Variants in LIN28B observed in about 807,000 individuals in gnomAD.
The protein encoded by LIN28B is protein lin-28 homolog B.
A neutral mutation model predicts 21.9 loss-of-function variants in LIN28B; 5 were observed. That is an observed-to-expected ratio of 0.23 (90% CI 0.12 to 0.48). The LOEUF is 0.48. LIN28B is among the 20% of genes least tolerant of loss of function. LIN28B has a pLI of 0.98. For synonymous variants in LIN28B, 109 were observed against 111.3 expected, an observed-to-expected ratio of 0.98 and a Z score of 0.13; for missense variants, 245 against 310.5, an observed-to-expected ratio of 0.79 and a Z score of 1.58.
chr6:104,951,574 G>T (rs1344416980), intron 3 of LIN28B, among the ~76,000 whole-genome samples: 4 of 151,626 alleles, frequency 2.6e-5, no homozygotes, highest in Non-Finnish European at 5.9e-5. Flanking sequence ...TTCTGTTGGG[G>T]CCAGTTCAGA....
intron 2 of LIN28B, among the ~76,000 whole-genome samples, chr6:104,980,890 A>G (rs1770206563): frequency 6.6e-6 from 1 of 152,136 alleles, no homozygotes; most frequent in Non-Finnish European, 1.5e-5. Flanking sequence ...TATTGCTACT[A>G]TATATTAAAA....
At chr6:105,039,374 A>G (rs1771587034) in intron 3 of LIN28B, among the ~76,000 whole-genome samples, 1 of 152,216 alleles carries the variant, frequency 6.6e-6, no homozygotes, top group Admixed American at 6.5e-5. Flanking sequence ...AAATTATAGT[A>G]TATTCTTAGG....
At chr6:104,961,717 C>T (rs1217865097) in intron 2 of LIN28B, among the ~76,000 whole-genome samples, 1 of 152,088 alleles carries the variant, frequency 6.6e-6, no homozygotes, top group African/African-American at 2.4e-5. Context: ...TAAATTTTTA[C>T]TAAGGTGATT....
Position 105,079,103 on chromosome 6 carries a change from A to G in LIN28B, c.*320A>G, listed in dbSNP as rs1582937639. 1.4e-5 allele frequency: 3 copies of G among 209,560 alleles called. No homozygotes were observed. The East Asian group carries it at 3.2e-4, about 23-fold the overall frequency. The allele number at this position is 209,560 out of a possible 1,614,324, so 13.0% of individuals were successfully genotyped here. On this transcript the variant is annotated 3_prime_UTR_variant, in exon 4 of 4. Transcript: ENST00000345080. ...ATATATAAAGAGGCTTTGTCTTTAT[A>G]TATTTGTGTATAGATCAAAGCACAC... is the stretch of plus-strand genomic sequence containing the variant.
intron 2 of LIN28B, among the ~76,000 whole-genome samples, chr6:105,000,591 T>A (rs1398439725): frequency 6.6e-6 from 1 of 152,120 alleles, no homozygotes; most frequent in Non-Finnish European, 1.5e-5. Flanking sequence ...AAAAGAGCTA[T>A]GTTGTAACTG....
In LIN28B at chr6:105,078,588, A is replaced by T. The variant is rs752610596; in HGVS notation, c.558A>T (p.Pro186=). ...GAAGACAGGAAGCAGAATCCCAGCCATGCACTTCAACTCTCCCTCGAGAAG... is the reference window on the plus strand; with the variant it reads ...GAAGACAGGAAGCAGAATCCCAGCCTTGCACTTCAACTCTCCCTCGAGAAG... ...SQGRQEAESQ[P]CTSTLPREVG... is the part of the protein sequence containing the mutation. The change falls in exon 4 of 4, where the codon CCA becomes CCT. Residue 186 remains proline, a synonymous_variant. Transcript: ENST00000345080. 5.0e-6 allele frequency: 8 copies of T among 1,614,044 alleles called. No individual in the cohort carries two copies. The highest frequency in any genetic ancestry group is 5.9e-6 in the Non-Finnish European group (7 of 1,180,004).
rs149373880 is a variant in LIN28B at position 104,943,604 on chromosome 6, C to T, written c.18+6488C>T. Among the ~76,000 whole-genome samples the T allele has an allele frequency of 8.6e-3, 1,308 of 152,060 alleles. 14 individuals carry two copies. Among genetic ancestry groups the T allele is most frequent in the Middle Eastern group, 0.037 (11 of 294 alleles). On this transcript the variant is annotated intron_variant, in intron 2 of 5. Transcript: ENST00000635857. ...ATTAAATTATTGATTATGAAAGTGG[C>T]GTTACAAATTTTTGGACAACTAAAG... is the stretch of plus-strand genomic sequence containing the variant.
At chr6:104,993,602 G>A (rs1168995868) in intron 2 of LIN28B, among the ~76,000 whole-genome samples, 3 of 152,128 alleles carry the variant, frequency 2.0e-5, no homozygotes, top group East Asian at 3.9e-4. Context: ...TTGGGAGGCC[G>A]AGGTGGGTGG....
At chr6:105,032,398 A>G (rs1042852003) in intron 3 of LIN28B, among the ~76,000 whole-genome samples, 58 of 152,150 alleles carry the variant, frequency 3.8e-4, no homozygotes, top group African/African-American at 1.4e-3. Context: ...TCGAACTGCC[A>G]CCTATCTTTG....
intron 2 of LIN28B, among the ~76,000 whole-genome samples, chr6:104,960,472 T>A (rs1333210929): frequency 6.6e-6 from 1 of 152,138 alleles, no homozygotes; most frequent in Non-Finnish European, 1.5e-5. Flanking sequence ...TATGTCTATG[T>A]ACTATTTTGT....
upstream of LIN28B, among the ~76,000 whole-genome samples, chr6:104,953,553 T>G (rs1778247320): frequency 2.0e-5 from 3 of 152,200 alleles, no homozygotes; most frequent in South Asian, 6.2e-4. Context: ...GTCCCTAAAT[T>G]AGTGAGAAAT....
chr6:105,073,688 C>G (rs1772373609), intron 3 of LIN28B, among the ~76,000 whole-genome samples: 1 of 152,020 alleles, frequency 6.6e-6, no homozygotes, highest in South Asian at 2.1e-4. Context: ...ACATTTTTTT[C>G]CATTATACTT....
intron 2 of LIN28B, among the ~76,000 whole-genome samples, chr6:104,947,276 G>C (rs767750103): frequency 1.3e-5 from 2 of 151,948 alleles, no homozygotes; most frequent in Non-Finnish European, 2.9e-5. Context: ...AGGCATGCAC[G>C]ACCACGCCTG....
At chr6:104,939,679 G>A (rs565944310) in intron 2 of LIN28B, 1 of 152,298 alleles carries the variant, frequency 6.6e-6, no homozygotes, top group Admixed American at 6.5e-5. Flanking sequence ...ACTTTCAAAT[G>A]AAAGTGTTTT....
chr6:105,063,651 A>AGG lies in LIN28B; in HGVS notation c.384-14763_384-14762insGG, dbSNP rs1772169304. Among the ~76,000 whole-genome samples the AGG allele has an allele frequency of 3.4e-5, 5 of 148,330 alleles. No homozygotes were observed. In the South Asian group the frequency reaches 8.6e-4, roughly 26 times the overall value. ...ACTCCATCTCGGGGGGGGGGGGGAA[A>AGG]AAAAGGTAAAGTAAAGGATAATAAA... is the stretch of plus-strand genomic sequence containing the variant. On this transcript the variant is annotated intron_variant, in intron 3 of 3. Transcript: ENST00000345080.
intron 3 of LIN28B, among the ~76,000 whole-genome samples, chr6:105,074,209 T>G (rs1260975454): frequency 1.3e-5 from 2 of 152,160 alleles, no homozygotes; most frequent in African/African-American, 4.8e-5. Context: ...AATCTTTTCT[T>G]TTTTTTGAGA....
At chr6:105,048,709 A>T (rs917369187) in intron 3 of LIN28B, among the ~76,000 whole-genome samples, 1 of 152,156 alleles carries the variant, frequency 6.6e-6, no homozygotes, top group Non-Finnish European at 1.5e-5. Context: ...TTATCGGTCT[A>T]TTCAGGGATT....
chr6:105,007,911 T>C (rs373570949), intron 2 of LIN28B, among the ~76,000 whole-genome samples: 37 of 152,330 alleles, frequency 2.4e-4, no homozygotes, highest in African/African-American at 8.7e-4. Flanking sequence ...TTGCAAAGTG[T>C]TGGTATTACA....
At chr6:105,077,045 C>G (rs1426692554) in intron 3 of LIN28B, among the ~76,000 whole-genome samples, 3 of 151,856 alleles carry the variant, frequency 2.0e-5, no homozygotes, top group Non-Finnish European at 4.4e-5. Flanking sequence ...GCCTGGCCAA[C>G]ATGGTGAAAC....
Sources: allele counts gnomAD v4.1 joint callset (sites outside exome capture counted in the v4.1 genomes callset), GRCh38; gene constraint gnomAD v4.1.1; transcripts MANE v1.5; gene names NCBI Gene and HGNC (gene_info 2026-07-23, HGNC 2026-07-21).